The following PCDHGA2 variants were observed in gnomAD, a reference collection of about 807,000 sequenced individuals.
The protein encoded by PCDHGA2 is protocadherin gamma subfamily A, 2, also known as protocadherin gamma-A2.
Under a neutral mutation model 59.2 loss-of-function variants are expected in PCDHGA2, and 40 were observed. The observed-to-expected ratio is 0.68, with a 90% CI of 0.52 to 0.88. The LOEUF (loss-of-function observed/expected upper bound fraction) is 0.88, where lower values mean the gene tolerates loss of function less well. Ranked by LOEUF, PCDHGA2 falls within the 40% of genes least tolerant of loss-of-function variation. The pLI is 0.00. For synonymous variants in PCDHGA2, 560 were observed against 526.0 expected, an observed-to-expected ratio of 1.06 and a Z score of -0.89; for missense variants, 1,226 against 1,204.0, an observed-to-expected ratio of 1.02 and a Z score of -0.27.
chr5:141,381,702 C>CT (rs1561588740), intron 1 of PCDHGA2, among the ~76,000 whole-genome samples: 1 of 151,968 alleles, frequency 6.6e-6, no homozygotes, highest in Admixed American at 6.6e-5. Flanking sequence ...CGATTTCTTT[C>CT]TTTTTTTCTC....
rs200844226 is a variant in PCDHGA2 at position 141,339,412 on chromosome 5, G to C, written c.441G>C (p.Thr147=). Residue 147 remains threonine, a synonymous_variant, in exon 1 of 4, where the codon ACG becomes ACC. Transcript: ENST00000394576. The part of the protein sequence containing the change: ...ELELKISETT[T]PGFRIPLKNA... ...AGCTAAAAATCAGTGAAACCACTAC[G>C]CCAGGATTCCGGATTCCTCTTAAGA... is the stretch of plus-strand genomic sequence containing the variant. 1 of 1,614,068 alleles carries C rather than the reference G, an allele frequency of 6.2e-7. No individual in the cohort carries two copies. Among genetic ancestry groups the C allele is most frequent in the African/African-American group, 1.3e-5 (1 of 74,916 alleles).
In PCDHGA2 at chr5:141,404,747, G is replaced by A. The variant is rs142282950; in HGVS notation, c.2424+63352G>A. 3.0e-4 allele frequency: 483 copies of A among 1,614,062 alleles called. 2 individuals carry two copies. The African/African-American group carries it at 5.3e-3, about 18-fold the overall frequency. On this transcript the variant is annotated intron_variant, in intron 1 of 3. Coordinates refer to ENST00000394576, the MANE Select transcript of PCDHGA2 (RefSeq NM_018915.4). ...GGTGGTGGCAGTGGACAGAGACTCA[G>A]GCCAGAATGCTTGGCTCTCCTACCG...
intron 1 of PCDHGA2, chr5:141,360,527 C>G (rs763036184): frequency 1.2e-6 from 2 of 1,613,910 alleles, no homozygotes; most frequent in East Asian, 4.5e-5. Context: ...GATAATACCC[C>G]GCTATTCAAA....
Position 141,493,435 on chromosome 5 carries a change from G to T in PCDHGA2, c.2425-1372G>T, listed in dbSNP as rs150678406. On this transcript the variant is annotated intron_variant, in intron 1 of 3. Coordinates refer to ENST00000394576, the MANE Select transcript of PCDHGA2 (RefSeq NM_018915.4). The surrounding 1 kb of genome is among the most constrained non-coding windows in gnomAD (Gnocchi z 4.3). ...TGGGATTTTGCTTCTGCTGGGATGG[G>T]GCAAGGGTGGGGTTCCTTCCCTTTT... Among the ~76,000 whole-genome samples the T allele has an allele frequency of 6.6e-5, 10 of 152,294 alleles. No individual in the cohort carries two copies. In the East Asian group the frequency reaches 1.7e-3, roughly 26 times the overall value.
chr5:141,460,833 T>G (rs541553903), intron 1 of PCDHGA2, among the ~76,000 whole-genome samples: 2 of 151,928 alleles, frequency 1.3e-5, no homozygotes, highest in African/African-American at 4.8e-5. Flanking sequence ...ACACTTAAAG[T>G]AATGGCCTCC....
At chr5:141,351,523 C>T in intron 1 of PCDHGA2, 1 of 1,614,036 alleles carries the variant, frequency 6.2e-7, no homozygotes, top group African/African-American at 1.3e-5. Flanking sequence ...TCATAGCCAC[C>T]GACAAGGGCA....
intron 1 of PCDHGA2, chr5:141,365,030 G>T: frequency 1.2e-6 from 2 of 1,613,856 alleles, no homozygotes; most frequent in Non-Finnish European, 1.7e-6. Context: ...TACGGTCCTC[G>T]ACGCAAACGA....
At chr5:141,361,084 C>CT in intron 1 of PCDHGA2, 2 of 1,613,986 alleles carry the variant, frequency 1.2e-6, no homozygotes, top group Non-Finnish European at 1.7e-6. Flanking sequence ...TAGTTACACT[C>CT]TGAGTATCGA....
chr5:141,498,119 T>C (rs780741291), intron 2 of PCDHGA2, among the ~76,000 whole-genome samples: 42 of 152,192 alleles, frequency 2.8e-4, no homozygotes, highest in Non-Finnish European at 4.8e-4. Flanking sequence ...AATAGGGATT[T>C]GATTTAGGGA....
At chr5:141,363,876 G>T (rs566342740) in intron 1 of PCDHGA2, among the ~76,000 whole-genome samples, 1 of 152,224 alleles carries the variant, frequency 6.6e-6, no homozygotes, top group Admixed American at 6.5e-5. Flanking sequence ...GGTAAATAAA[G>T]GACATAGGCT....
chr5:141,361,492 C>G, intron 1 of PCDHGA2: 1 of 1,614,018 alleles, frequency 6.2e-7, no homozygotes, highest in Non-Finnish European at 8.5e-7. Context: ...CCCAGTTTTC[C>G]AACAGACTTC....
Position 141,348,442 on chromosome 5 carries a change from G to GA in PCDHGA2, c.2424+7056dup, listed in dbSNP as rs201369878. Among the ~76,000 whole-genome samples the GA allele has an allele frequency of 3.6e-3, 537 of 150,530 alleles. 3 individuals carry two copies. Among genetic ancestry groups the GA allele is most frequent in the African/African-American group, 0.011 (441 of 41,056 alleles). On this transcript the variant is annotated intron_variant, in intron 1 of 3. Coordinates refer to ENST00000394576, the MANE Select transcript of PCDHGA2 (RefSeq NM_018915.4). ...CGTAACTTTTAACATATCATTTTTA[G>GA]AAAAAAAAATGTTTATAGTATTAGT...
intron 1 of PCDHGA2, chr5:141,389,141 C>A: frequency 1.2e-6 from 2 of 1,613,998 alleles, no homozygotes; most frequent in Non-Finnish European, 8.5e-7. Flanking sequence ...ACAATATAAC[C>A]GTTACGGCAA....
rs1173375966 is a variant in PCDHGA2, at chr5:141,511,162, GAGA to G, written c.2794_2796del (p.Lys932del). 16 of 1,614,044 alleles carry G rather than the reference GAGA, an allele frequency of 9.9e-6. No individual in the cohort carries two copies. The highest frequency in any genetic ancestry group is 5.5e-5 in the South Asian group (5 of 91,078). On this transcript the variant is annotated inframe_deletion, in exon 4 of 4. Transcript: ENST00000394576. The stretch of plus-strand genomic sequence containing the variant: ...CAACAAGAAGAAGTCGGGCAAGAAG[GAGA>G]AGAAGTAACATGGAGGCCAGGCCAA...
rs773893751 is a variant in PCDHGA2 at position 141,431,903 on chromosome 5, G to A, written c.2425-62904G>A. 2 of 1,613,916 alleles carry A rather than the reference G, an allele frequency of 1.2e-6. No individual in the cohort carries two copies. Among genetic ancestry groups the A allele is most frequent in the South Asian group, 2.2e-5 (2 of 91,080 alleles). ...CCAAGATTCTGAGGAAAACGGACAG[G>A]TGATCTGTTTCATCCAAGGAAATCT... On this transcript the variant is annotated intron_variant, in intron 1 of 3. Transcript: ENST00000394576. The surrounding 1 kb of genome is among the most constrained non-coding windows in gnomAD (Gnocchi z 4.8).
At chr5:141,430,559 G>C in intron 1 of PCDHGA2, 1 of 418,772 alleles carries the variant, frequency 2.4e-6, no homozygotes. Flanking sequence ...CACCAATCGG[G>C]GAGAGAAAAG....
chr5:141,384,060 A>T (rs1453253478), intron 1 of PCDHGA2: 1 of 1,609,266 alleles, frequency 6.2e-7, no homozygotes, highest in South Asian at 1.1e-5. Context: ...GCACCATTCC[A>T]GAAAACCTAC....
intron 1 of PCDHGA2, among the ~76,000 whole-genome samples, chr5:141,348,832 G>A (rs1182430237): frequency 2.6e-4 from 40 of 152,212 alleles, no homozygotes; most frequent in Non-Finnish European, 5.9e-5. Flanking sequence ...AATAGAGTAT[G>A]AGTATGGGTG....
chr5:141,423,288 C>T, intron 1 of PCDHGA2: 1 of 1,586,414 alleles, frequency 6.3e-7, no homozygotes, highest in African/African-American at 1.3e-5. Context: ...ACTCTGAAAC[C>T]TCAGACCTCT....
Sources: allele counts gnomAD v4.1 joint callset (sites outside exome capture counted in the v4.1 genomes callset), GRCh38; gene constraint gnomAD v4.1.1; non-coding constraint Gnocchi (gnomAD v3.1); transcripts MANE v1.5; gene names NCBI Gene and HGNC (gene_info 2026-07-23, HGNC 2026-07-21).